Variants in F5 observed in about 807,000 individuals in gnomAD.
The protein encoded by F5 is coagulation factor V.
Under a neutral mutation model 216.4 loss-of-function variants are expected in F5, and 138 were observed. The ratio of observed to expected loss-of-function variants is 0.64; its 90% CI spans 0.56 to 0.73. F5 has a LOEUF of 0.73. F5 is among the 30% of genes least tolerant of loss of function. The pLI is 0.00. For missense variants in F5, 2,403 were observed against 2,674.0 expected (o/e 0.90, Z 2.24); for synonymous variants, 916 against 930.7 (o/e 0.98, Z 0.29).
At chr1:169,561,104 G>A (rs1172166908) in intron 3 of F5, among the ~76,000 whole-genome samples, 2 of 152,100 alleles carry the variant, frequency 1.3e-5, no homozygotes, top group Non-Finnish European at 2.9e-5. Flanking sequence ...ATAAGAATGG[G>A]TGATATCTTC....
chr1:169,524,831 A>G lies in F5; in HGVS notation c.5788+6T>C. 1 of 1,613,118 alleles carries G rather than the reference A, an allele frequency of 6.2e-7. No homozygotes were observed. Among genetic ancestry groups the G allele is most frequent in the Non-Finnish European group, 8.5e-7 (1 of 1,179,142 alleles). Reference sequence around the variant, plus strand: ...ACCATTCACAGACCATGGTGCTACAACTTACCCAGAAACTCTGAAGCCTTG... The same window carrying G: ...ACCATTCACAGACCATGGTGCTACAGCTTACCCAGAAACTCTGAAGCCTTG... On this transcript the variant is annotated splice_donor_region_variant and intron_variant, in intron 19 of 24. Transcript: ENST00000367797.
intron 22 of F5, among the ~76,000 whole-genome samples, chr1:169,519,683 G>C (rs576034394): frequency 4.6e-5 from 7 of 152,306 alleles, no homozygotes; most frequent in Admixed American, 1.3e-4. Context: ...CCTGACAGGT[G>C]TGCCACGGCA....
chr1:169,554,051 C>T (rs181325466), intron 7 of F5, among the ~76,000 whole-genome samples: 57 of 94,402 alleles, frequency 6.0e-4, no homozygotes, highest in South Asian at 3.1e-3. Flanking sequence ...TAATCTTGGC[C>T]AAATTTTTTT....
At chr1:169,537,877 A>G (rs895807423) in intron 13 of F5, among the ~76,000 whole-genome samples, 1 of 152,116 alleles carries the variant, frequency 6.6e-6, no homozygotes, top group African/African-American at 2.4e-5. Flanking sequence ...ACTCTTGGTG[A>G]GAGTGTAAAT....
At chr1:169,561,393 C>T (rs557040598) in intron 3 of F5, among the ~76,000 whole-genome samples, 3 of 152,120 alleles carry the variant, frequency 2.0e-5, no homozygotes, top group South Asian at 2.1e-4. Context: ...GTACTTTGTG[C>T]ACCCAAAGAC....
intron 11 of F5, among the ~76,000 whole-genome samples, chr1:169,544,842 A>G (rs1295401459): frequency 6.6e-6 from 1 of 152,242 alleles, no homozygotes. Flanking sequence ...CTTGGAGGAA[A>G]AGCATAATAT....
Position 169,542,625 on chromosome 1 carries a change from G to A in F5, c.2465C>T (p.Ser822Phe), listed in dbSNP as rs1015942089. 1.4e-5 allele frequency: 23 copies of A among 1,613,984 alleles called. No homozygotes were observed. The African/African-American group carries it at 2.3e-4, about 16-fold the overall frequency. The stretch of plus-strand genomic sequence containing the variant: ...TGGGCTGGAATGCTCTGCTGTGGAA[G>A]AATTGAGAACTGAGTTCTTGCCAAT... ...HLIGKNSVLN[S>F]STAEHSSPYS... The change falls in exon 13 of 25, where the codon TCT (serine) becomes TTT (phenylalanine). Residue 822 changes from serine to phenylalanine, a missense_variant. Transcript: ENST00000367797.
chr1:169,565,960 T>C (rs1367801306), intron 3 of F5, among the ~76,000 whole-genome samples: 3 of 152,130 alleles, frequency 2.0e-5, no homozygotes, highest in Non-Finnish European at 4.4e-5. Context: ...CTGTAAGTTA[T>C]AACATAATTC....
chr1:169,544,672 C>T (rs1659959269), intron 11 of F5, 164 bp from the exon 12 acceptor site: 3 of 661,452 alleles, frequency 4.5e-6, no homozygotes, highest in Non-Finnish European at 8.0e-6. Context: ...AGATCAAACT[C>T]AGAATTTTCA....
At chr1:169,529,975 C>A (rs915910550) in intron 15 of F5, among the ~76,000 whole-genome samples, 157 bp from the exon 16 acceptor site, 1 of 152,018 alleles carries the variant, frequency 6.6e-6, no homozygotes, top group African/African-American at 2.4e-5. Flanking sequence ...ATATTTATCA[C>A]CTAATTCTGT....
chr1:169,521,807 G>A (rs1045876980), intron 21 of F5, among the ~76,000 whole-genome samples: 6 of 151,712 alleles, frequency 4.0e-5, no homozygotes, highest in Non-Finnish European at 8.8e-5. Flanking sequence ...TTTTAGTAGA[G>A]AGGGGGTTTC....
intron 2 of F5, among the ~76,000 whole-genome samples, chr1:169,578,599 T>C (rs1489631463): frequency 6.6e-6 from 1 of 152,200 alleles, no homozygotes; most frequent in Non-Finnish European, 1.5e-5. Context: ...TTCCTGGCCC[T>C]AATGAGTATG....
chr1:169,515,441 TA>T lies in F5; in HGVS notation c.6528+2del. On this transcript the variant is annotated splice_donor_variant, in intron 24 of 24. Transcript: ENST00000367797. LOFTEE classifies it high-confidence loss of function. ...CTTTCTCTTTGCCCAGATGCCACTC[TA>T]CCTTGTCCACCATGGAGGATTTCAG... 1 of 1,613,096 alleles carries T rather than the reference TA, an allele frequency of 6.2e-7. No homozygotes were observed. The highest frequency in any genetic ancestry group is 8.5e-7 in the Non-Finnish European group (1 of 1,179,494).
intron 10 of F5, 89 bp downstream of exon 10, chr1:169,549,712 A>T: frequency 1.1e-6 from 1 of 880,374 alleles, no homozygotes; most frequent in Non-Finnish European, 1.9e-6. Context: ...CTTGAAGGAA[A>T]TGCCCCATTA....
intron 16 of F5, 140 bp from the exon 17 acceptor site, chr1:169,528,234 G>T: frequency 9.8e-7 from 1 of 1,021,812 alleles, no homozygotes; most frequent in Non-Finnish European, 1.5e-6. Context: ...CATGGAAAGG[G>T]CCCTCTTGTA....
chr1:169,520,832 G>A (rs1353937939), intron 21 of F5, among the ~76,000 whole-genome samples, 168 bp from the exon 22 acceptor site: 2 of 152,106 alleles, frequency 1.3e-5, no homozygotes, highest in Non-Finnish European at 2.9e-5. Context: ...CAGGAAGATT[G>A]TATATATGTA....
Position 169,541,993 on chromosome 1 carries a change from T to C in F5, c.3097A>G (p.Lys1033Glu). Residue 1033 changes from lysine to glutamate, a missense_variant, in exon 13 of 25, where the codon AAA becomes GAA. Around this residue, in one of 4 missense-constraint regions of F5, gnomAD observed 1,425 missense variants for 1,554.8 expected, o/e 0.92. Transcript: ENST00000367797. ...GCATGGTGTGTGTGCTTCTCTTTTT[T>C]CTTTTTTCGTGTCTTAATGAGAAAC... ...SQFLIKTRKK[K>E]KEKHTHHAPL... The C allele has an allele frequency of 1.2e-6, 2 of 1,614,082 alleles. No homozygotes were observed. The highest frequency in any genetic ancestry group is 1.7e-6 in the Non-Finnish European group (2 of 1,180,014).
In F5 at chr1:169,515,591, T is replaced by C. The variant is rs1487664037; in HGVS notation, c.6381A>G (p.Leu2127=). ...TTGCCGTTATCTTCTTGATCTTGAGTAGATCAATTTCTAGCCACTGCTTAT... is the reference window on the plus strand; with the variant it reads ...TTGCCGTTATCTTCTTGATCTTGAGCAGATCAATTTCTAGCCACTGCTTAT... ...NNNKQWLEID[L]LKIKKITAII... Residue 2127 remains leucine, a synonymous_variant, in exon 24 of 25, where the codon CTA becomes CTG. Transcript: ENST00000367797. 10 of 1,613,208 alleles carry C rather than the reference T, an allele frequency of 6.2e-6. No homozygotes were observed. Among genetic ancestry groups the C allele is most frequent in the African/African-American group, 1.3e-5 (1 of 74,990 alleles).
chr1:169,560,892 T>C, intron 3 of F5, 126 bp from the exon 4 acceptor site: 1 of 802,436 alleles, frequency 1.2e-6, no homozygotes, highest in Non-Finnish European at 2.1e-6. Context: ...TAGTGAACTT[T>C]TATTATTTGG....
Sources: allele counts gnomAD v4.1 joint callset (sites outside exome capture counted in the v4.1 genomes callset), GRCh38; gene constraint gnomAD v4.1.1; regional missense constraint gnomAD v4.1.1; transcripts MANE v1.5; gene names NCBI Gene and HGNC (gene_info 2026-07-23, HGNC 2026-07-21).